Variants in UBE2QL1 observed in about 807,000 individuals in gnomAD.
The protein encoded by UBE2QL1 is ubiquitin conjugating enzyme E2 QL1, also known as ubiquitin-conjugating enzyme E2Q-like protein 1.
Under a neutral mutation model 12.6 loss-of-function variants are expected in UBE2QL1, and 5 were observed. The observed-to-expected ratio is 0.40, with a 90% CI of 0.21 to 0.83. The LOEUF is 0.83. UBE2QL1 is among the 40% of genes least tolerant of loss of function. The pLI, the probability that UBE2QL1 is intolerant of heterozygous loss-of-function variation, is 0.37. For missense variants in UBE2QL1, 99 were observed against 222.6 expected (o/e 0.44, Z 3.53); for synonymous variants, 96 against 94.5 (o/e 1.02, Z -0.10).
chr5:6,488,806 G>GAA (rs10658559), intron 1 of UBE2QL1, among the ~76,000 whole-genome samples: 3,316 of 124,780 alleles, frequency 0.027, 56 homozygotes, highest in Middle Eastern at 0.046. Flanking sequence ...TCTGTCTCAA[G>GAA]AAAAAAAAAA....
intron 1 of UBE2QL1, among the ~76,000 whole-genome samples, chr5:6,459,766 A>T (rs1015358463): frequency 5.3e-5 from 8 of 152,224 alleles, no homozygotes; most frequent in Non-Finnish European, 1.0e-4. Context: ...CTACAACAAT[A>T]TCACAACTGT....
At chr5:6,471,282 G>A (rs1331040108) in intron 1 of UBE2QL1, among the ~76,000 whole-genome samples, 2 of 152,188 alleles carry the variant, frequency 1.3e-5, no homozygotes, top group Non-Finnish European at 2.9e-5. Context: ...ACACCAACAT[G>A]TCTTCTCTCC....
At chr5:6,463,554 G>A (rs1324038610) in intron 1 of UBE2QL1, among the ~76,000 whole-genome samples, 3 of 151,614 alleles carry the variant, frequency 2.0e-5, no homozygotes, top group Non-Finnish European at 4.4e-5. Flanking sequence ...CGAGACCGTG[G>A]TCCGAAGTTC....
At position 6,493,429 on chromosome 5, in the gene UBE2QL1, G is replaced by A. The variant is rs542181664; in HGVS notation, c.*2080G>A. On this transcript the variant is annotated 3_prime_UTR_variant, in exon 2 of 2. Coordinates refer to ENST00000399816, the MANE Select transcript of UBE2QL1 (RefSeq NM_001145161.3). Reference sequence around the variant, plus strand: ...TCCAAAGGCAGGTCATTTCAGTAGTGTTTATTAGCTGATTGAAAAACAGGT... The same window carrying A: ...TCCAAAGGCAGGTCATTTCAGTAGTATTTATTAGCTGATTGAAAAACAGGT... 6.6e-6 allele frequency: 1 copy of A among 152,298 alleles called. No homozygotes were observed. Among genetic ancestry groups the A allele is most frequent in the South Asian group, 2.1e-4 (1 of 4,830 alleles). 9.4% of individuals were successfully genotyped at this position (152,298 alleles called of 1,614,324 possible).
At chr5:6,475,445 A>G (rs974466151) in intron 1 of UBE2QL1, among the ~76,000 whole-genome samples, 4 of 152,160 alleles carry the variant, frequency 2.6e-5, no homozygotes, top group African/African-American at 7.2e-5. Context: ...CTTATGCCGT[A>G]TCTTTGTCCC....
chr5:6,482,231 G>A (rs1393480138), intron 1 of UBE2QL1, among the ~76,000 whole-genome samples: 1 of 152,152 alleles, frequency 6.6e-6, no homozygotes, highest in East Asian at 1.9e-4. Flanking sequence ...CCTCCCCTGG[G>A]CCCTCATCTC....
intron 1 of UBE2QL1, among the ~76,000 whole-genome samples, chr5:6,455,633 C>T (rs1260734444): frequency 1.3e-5 from 2 of 152,178 alleles, no homozygotes; most frequent in Non-Finnish European, 2.9e-5. Context: ...GGTCTAGGAT[C>T]AGGCCCTGAC....
At chr5:6,474,694 C>T (rs945129426) in intron 1 of UBE2QL1, among the ~76,000 whole-genome samples, 2 of 152,174 alleles carry the variant, frequency 1.3e-5, no homozygotes, top group Non-Finnish European at 2.9e-5. Flanking sequence ...GTGATAACCC[C>T]ACAGGCTTCG....
At chr5:6,452,379 T>C (rs1431960521) in intron 1 of UBE2QL1, among the ~76,000 whole-genome samples, 1 of 152,236 alleles carries the variant, frequency 6.6e-6, no homozygotes, top group Non-Finnish European at 1.5e-5. Context: ...ATATTCTATG[T>C]AGAAATAATG....
At chr5:6,485,258 A>T (rs1459759569) in intron 1 of UBE2QL1, among the ~76,000 whole-genome samples, 1 of 152,154 alleles carries the variant, frequency 6.6e-6, no homozygotes, top group Non-Finnish European at 1.5e-5. Context: ...ATCCAGCTGA[A>T]GTCCCCTGCT....
chr5:6,494,249 G>C lies in UBE2QL1; in HGVS notation c.*2900G>C, dbSNP rs556378175. On this transcript the variant is annotated 3_prime_UTR_variant, in exon 2 of 2. Coordinates refer to ENST00000399816, the MANE Select transcript of UBE2QL1 (RefSeq NM_001145161.3). ...TCTGTCTGTAACTTTCTAGAAGACT[G>C]AGAACTGCTTATGCCTTAGGGAGTT... is the stretch of plus-strand genomic sequence containing the variant. The C allele has an allele frequency of 6.6e-6, 1 of 152,322 alleles. No individual in the cohort carries two copies. Among genetic ancestry groups the C allele is most frequent in the East Asian group, 1.9e-4 (1 of 5,182 alleles). 9.4% of individuals were successfully genotyped at this position (152,322 alleles called of 1,614,324 possible). A position where few individuals can be genotyped will look rare whatever the true frequency, so the allele number is the denominator to read the frequency against.
chr5:6,474,157 T>A lies in UBE2QL1; in HGVS notation c.355-17061T>A, dbSNP rs114950718. On this transcript the variant is annotated intron_variant, in intron 1 of 1. Transcript: ENST00000399816. ...TGAGTGCTGGCAGAAGCTTTAAGCC[T>A]GTAGGGCTAAAATGATGTTGCCTGT... 2.5e-3 allele frequency among the ~76,000 whole-genome samples: 384 copies of A among 152,356 alleles called. 1 individual carries two copies. Among genetic ancestry groups the A allele is most frequent in the African/African-American group, 8.7e-3 (361 of 41,586 alleles).
chr5:6,462,945 G>C (rs1447525675), intron 1 of UBE2QL1, among the ~76,000 whole-genome samples: 1 of 152,248 alleles, frequency 6.6e-6, no homozygotes, highest in East Asian at 1.9e-4. Flanking sequence ...AAGCACAGTT[G>C]GAGTGAACGA....
chr5:6,484,107 G>A (rs1041341424), intron 1 of UBE2QL1, among the ~76,000 whole-genome samples: 1 of 152,192 alleles, frequency 6.6e-6, no homozygotes, highest in Non-Finnish European at 1.5e-5. Context: ...AGCTAGTCAT[G>A]GGGGATGCAT....
At chr5:6,482,600 G>C (rs893933429) in intron 1 of UBE2QL1, among the ~76,000 whole-genome samples, 18 of 152,166 alleles carry the variant, frequency 1.2e-4, no homozygotes, top group Non-Finnish European at 1.8e-4. Flanking sequence ...CTAGAGCACG[G>C]CTTCTCCACA....
At chr5:6,485,404 C>T (rs1276597838) in intron 1 of UBE2QL1, among the ~76,000 whole-genome samples, 1 of 152,122 alleles carries the variant, frequency 6.6e-6, no homozygotes, top group Non-Finnish European at 1.5e-5. Context: ...AACATTAAAC[C>T]TTAAGAGAAA....
intron 1 of UBE2QL1, among the ~76,000 whole-genome samples, chr5:6,458,901 C>T (rs1176163923): frequency 1.3e-5 from 2 of 152,048 alleles, no homozygotes; most frequent in Admixed American, 1.3e-4. Flanking sequence ...TGCAAGGAGG[C>T]TGTTCTTTAT....
chr5:6,479,566 C>T lies in UBE2QL1; in HGVS notation c.355-11652C>T, dbSNP rs942224360. ...GTCTGTATCCTCCGGTGAGTCTGTC[C>T]ATCATAAAAAGGGCAGAGGCTGTGC... On this transcript the variant is annotated intron_variant, in intron 1 of 1. Coordinates refer to ENST00000399816, the MANE Select transcript of UBE2QL1 (RefSeq NM_001145161.3). The surrounding 1 kb of genome is among the most constrained non-coding windows in gnomAD (Gnocchi z 4.2). Among the ~76,000 whole-genome samples, 5 of 152,114 alleles carry T rather than the reference C, an allele frequency of 3.3e-5. No homozygotes were observed. The highest frequency in any genetic ancestry group is 1.2e-4 in the African/African-American group (5 of 41,420).
chr5:6,462,995 G>A (rs1440938372), intron 1 of UBE2QL1, among the ~76,000 whole-genome samples: 1 of 152,238 alleles, frequency 6.6e-6, no homozygotes, highest in Non-Finnish European at 1.5e-5. Flanking sequence ...AAAGCTTTCA[G>A]AGTGTGCATC....
Sources: gnomAD v4.1 joint callset for allele counts (sites outside exome capture counted in the v4.1 genomes callset) on GRCh38, gnomAD v4.1.1 for gene constraint, Gnocchi (gnomAD v3.1) non-coding constraint, MANE v1.5 for transcripts, NCBI Gene and HGNC (gene_info 2026-07-23, HGNC 2026-07-21) for gene names.